The following LIPA variants were observed in gnomAD, a reference collection of about 807,000 sequenced individuals.
The protein encoded by LIPA is lipase A, lysosomal acid type, also known as lysosomal acid lipase/cholesteryl ester hydrolase.
A neutral mutation model predicts 40.6 loss-of-function variants in LIPA; 26 were observed. That is an observed-to-expected ratio of 0.64 (90% CI 0.47 to 0.89). The LOEUF (loss-of-function observed/expected upper bound fraction) is 0.89. LIPA is among the 40% of genes least tolerant of loss of function. LIPA has a pLI of 0.00. For synonymous variants in LIPA, 188 were observed against 168.4 expected (o/e 1.12, Z -0.90); for missense variants, 455 against 479.6 (o/e 0.95, Z 0.48).
At chr10:89,222,489 A>C in intron 8 of LIPA, 22 bp downstream of exon 8, 1 of 1,518,634 alleles carries the variant, frequency 6.6e-7, no homozygotes, top group Non-Finnish European at 9.1e-7. Flanking sequence ...ATGAACCCCA[A>C]ATGCACTCCT....
chr10:89,406,952 T>C (rs973221078), intron 2 of LIPA, among the ~76,000 whole-genome samples: 1 of 152,136 alleles, frequency 6.6e-6, no homozygotes, highest in Non-Finnish European at 1.5e-5. Flanking sequence ...GGGGGCTAAA[T>C]ACTGGGCACC....
intron 1 of LIPA, chr10:89,327,927 G>A: frequency 3.0e-6 from 2 of 676,610 alleles, no homozygotes; most frequent in Non-Finnish European, 5.0e-6. Flanking sequence ...CTCAAAAACG[G>A]AGAAAACATC....
At chr10:89,312,824 T>A (rs576590823) in intron 1 of LIPA, among the ~76,000 whole-genome samples, 6 of 150,658 alleles carry the variant, frequency 4.0e-5, no homozygotes, top group African/African-American at 7.3e-5. Context: ...AAAAAAATAA[T>A]AATAATAATA....
chr10:89,307,471 A>G, intron 1 of LIPA: 1 of 988,662 alleles, frequency 1.0e-6, no homozygotes, highest in Non-Finnish European at 1.5e-6. Flanking sequence ...CTGGTATGGC[A>G]AAAGATTGGA....
intron 1 of LIPA, chr10:89,302,196 C>A (rs912102554): frequency 1.3e-6 from 2 of 1,555,276 alleles, no homozygotes; most frequent in Non-Finnish European, 1.8e-6. Context: ...TCCTGAGAAG[C>A]TATGTTCCCA....
chr10:89,378,350 A>T (rs1844137594), intron 2 of LIPA, among the ~76,000 whole-genome samples: 1 of 152,144 alleles, frequency 6.6e-6, no homozygotes, highest in African/African-American at 2.4e-5. Flanking sequence ...AGGGAAATCA[A>T]CAGGAAATGG....
intron 1 of LIPA, among the ~76,000 whole-genome samples, chr10:89,287,068 C>G (rs1843344815): frequency 6.6e-6 from 1 of 152,224 alleles, no homozygotes; most frequent in Admixed American, 6.5e-5. Context: ...GAAAATCAGA[C>G]TGTCCAGCTC....
intron 2 of LIPA, among the ~76,000 whole-genome samples, chr10:89,361,414 A>G (rs1240963052): frequency 6.6e-6 from 1 of 152,198 alleles, no homozygotes; most frequent in Non-Finnish European, 1.5e-5. Flanking sequence ...TTGGGGAAAG[A>G]AGCAGTTGTT....
intron 1 of LIPA, among the ~76,000 whole-genome samples, chr10:89,291,706 T>C (rs1288319292): frequency 1.3e-5 from 2 of 152,194 alleles, no homozygotes; most frequent in African/African-American, 4.8e-5. Flanking sequence ...TTATGTTCTA[T>C]GTTTGGGAAG....
intron 1 of LIPA, among the ~76,000 whole-genome samples, chr10:89,299,752 T>TAA (rs529475314): frequency 1.4e-5 from 2 of 147,584 alleles, no homozygotes; most frequent in Admixed American, 6.8e-5. Context: ...TGGCTATTAT[T>TAA]AAAAAAAAAA....
intron 1 of LIPA, among the ~76,000 whole-genome samples, chr10:89,413,847 CAAT>C (rs1193850448): frequency 6.6e-6 from 1 of 151,734 alleles, no homozygotes; most frequent in Non-Finnish European, 1.5e-5. Flanking sequence ...GACATTAACT[CAAT>C]AAGGGTAAGG....
chr10:89,354,344 T>G (rs992656895), intron 2 of LIPA, among the ~76,000 whole-genome samples: 3 of 152,226 alleles, frequency 2.0e-5, no homozygotes, highest in African/African-American at 7.2e-5. Context: ...TCCTAAAATG[T>G]ATAAAACCAA....
chr10:89,262,339 A>G (rs897922323), intron 1 of LIPA, among the ~76,000 whole-genome samples: 1 of 152,190 alleles, frequency 6.6e-6, no homozygotes, highest in African/African-American at 2.4e-5. Context: ...AGTGGCTTCA[A>G]GTCATCCCTG....
intron 1 of LIPA, among the ~76,000 whole-genome samples, chr10:89,329,882 A>C (rs1290671154): frequency 6.6e-6 from 1 of 151,884 alleles, no homozygotes; most frequent in Non-Finnish European, 1.5e-5. Context: ...GGGAAGGGAG[A>C]TAGGGGTGGG....
At chr10:89,402,831 T>A (rs538587924) in intron 2 of LIPA, 8 of 1,614,210 alleles carry the variant, frequency 5.0e-6, no homozygotes, top group Non-Finnish European at 1.7e-6. Flanking sequence ...GATCTCTGCC[T>A]ATCGCCTGGA....
intron 1 of LIPA, among the ~76,000 whole-genome samples, chr10:89,275,588 C>A (rs938219798): frequency 6.6e-6 from 1 of 152,174 alleles, no homozygotes; most frequent in Admixed American, 6.5e-5. Context: ...CCCACAATTG[C>A]ATAAGATCAA....
chr10:89,381,321 G>A (rs1844161167), intron 2 of LIPA, among the ~76,000 whole-genome samples: 1 of 152,066 alleles, frequency 6.6e-6, no homozygotes, highest in Admixed American at 6.6e-5. Flanking sequence ...TCTTCTGTAG[G>A]GGTGGTGACT....
At chr10:89,256,306 A>G (rs1192665355), upstream of LIPA, among the ~76,000 whole-genome samples, 3 of 152,244 alleles carry the variant, frequency 2.0e-5, no homozygotes, top group Non-Finnish European at 4.4e-5. Flanking sequence ...GCTCCAGGCT[A>G]GAGATATGAT....
chr10:89,409,452 ACC>A (rs1429126446), intron 2 of LIPA, among the ~76,000 whole-genome samples: 1 of 151,140 alleles, frequency 6.6e-6, no homozygotes, highest in Admixed American at 6.6e-5. Context: ...CTGCCCCCTC[ACC>A]CATGTCCACT....
Sources: allele counts gnomAD v4.1 joint callset (sites outside exome capture counted in the v4.1 genomes callset), GRCh38; gene constraint gnomAD v4.1.1; transcripts MANE v1.5; gene names NCBI Gene and HGNC (gene_info 2026-07-23, HGNC 2026-07-21).